The following COLEC12 variants were observed in gnomAD, a reference collection of about 807,000 sequenced individuals.
The protein encoded by COLEC12 is collectin subfamily member 12.
COLEC12 carries 33 observed loss-of-function variants against 71.1 expected under a neutral mutation model. The ratio of observed to expected loss-of-function variants is 0.46; its 90% CI spans 0.35 to 0.62. The LOEUF is 0.62. Ranked by LOEUF, COLEC12 falls within the 20% of genes least tolerant of loss-of-function variation. The probability of loss-of-function intolerance (pLI) is 0.00; values close to 1 mark genes in which losing one functional copy is unlikely to be tolerated. For synonymous variants in COLEC12, 350 were observed against 353.0 expected (o/e 0.99, Z 0.10); for missense variants, 765 against 916.1 (o/e 0.84, Z 2.13).
chr18:444,449 T>A (rs912285960), intron 2 of COLEC12, among the ~76,000 whole-genome samples: 2 of 152,178 alleles, frequency 1.3e-5, no homozygotes, highest in Non-Finnish European at 2.9e-5. Context: ...AAAAATTCTA[T>A]ACCATCAGTA....
At chr18:495,353 A>G (rs1197531086) in intron 1 of COLEC12, among the ~76,000 whole-genome samples, 5 of 152,186 alleles carry the variant, frequency 3.3e-5, no homozygotes, top group African/African-American at 9.7e-5. Flanking sequence ...ATTTTTACTG[A>G]TCACTCACCG....
At chr18:376,920 T>C (rs1915126580) in intron 2 of COLEC12, among the ~76,000 whole-genome samples, 1 of 152,238 alleles carries the variant, frequency 6.6e-6, no homozygotes, top group Non-Finnish European at 1.5e-5. Flanking sequence ...TTTTACAAAA[T>C]GCATGCAGCA....
chr18:482,047 T>C (rs1399005952), intron 1 of COLEC12, among the ~76,000 whole-genome samples: 2 of 151,932 alleles, frequency 1.3e-5, no homozygotes, highest in African/African-American at 4.8e-5. Flanking sequence ...GACACGTAGT[T>C]TTTCAATTCC....
chr18:414,000 AG>A (rs1915941068), intron 2 of COLEC12, among the ~76,000 whole-genome samples: 1 of 152,224 alleles, frequency 6.6e-6, no homozygotes, highest in African/African-American at 2.4e-5. Flanking sequence ...ATGAAGAAGT[AG>A]GTGGAGGAAA....
At chr18:363,240 A>G (rs2143514676) in intron 2 of COLEC12, among the ~76,000 whole-genome samples, 1 of 152,318 alleles carries the variant, frequency 6.6e-6, no homozygotes, top group Non-Finnish European at 1.5e-5. Context: ...CAGAAAAAAA[A>G]AGAGTCTCCT....
At chr18:375,815 T>G (rs1207771661) in intron 2 of COLEC12, among the ~76,000 whole-genome samples, 2 of 152,202 alleles carry the variant, frequency 1.3e-5, no homozygotes, top group Admixed American at 6.5e-5. Context: ...TAGAAGATGG[T>G]TAGAACAGTA....
chr18:428,122 G>A (rs999081315), intron 2 of COLEC12, among the ~76,000 whole-genome samples: 2 of 152,024 alleles, frequency 1.3e-5, no homozygotes, highest in Non-Finnish European at 1.5e-5. Context: ...AAATTAGCCG[G>A]GCATGGTGGT....
rs186635325 is a variant in COLEC12 at position 365,048 on chromosome 18, G to A, written c.59-7526C>T. ...TGCCCAACGAGATAATCTAGAAAAC[G>A]GACCAGTTAGACATACCAGTAGAAG... On this transcript the variant is annotated intron_variant, in intron 2 of 9. Transcript: ENST00000400256. Among the ~76,000 whole-genome samples the A allele has an allele frequency of 2.9e-3, 445 of 152,020 alleles. 4 individuals are homozygous for A. The highest frequency in any genetic ancestry group is 0.01 in the African/African-American group (423 of 41,452).
intron 1 of COLEC12, among the ~76,000 whole-genome samples, chr18:485,681 A>G (rs1207370916): frequency 1.3e-5 from 2 of 152,334 alleles, no homozygotes; most frequent in East Asian, 3.9e-4. Context: ...TATTCTTTGC[A>G]CCTTGCTATT....
intron 3 of COLEC12, among the ~76,000 whole-genome samples, chr18:349,899 T>C (rs544432221): frequency 3.3e-4 from 50 of 152,358 alleles, no homozygotes; most frequent in African/African-American, 1.2e-3. Flanking sequence ...GTAACCCTCA[T>C]TGTATCTAGG....
At chr18:475,508 G>C (rs1598377096) in intron 2 of COLEC12, among the ~76,000 whole-genome samples, 2 of 152,264 alleles carry the variant, frequency 1.3e-5, no homozygotes, top group South Asian at 2.1e-4. Flanking sequence ...CAGCAGAGGG[G>C]AGACAGGCAG....
intron 2 of COLEC12, among the ~76,000 whole-genome samples, chr18:405,969 G>C (rs1370982497): frequency 1.3e-5 from 2 of 152,080 alleles, no homozygotes; most frequent in Non-Finnish European, 2.9e-5. Context: ...TAAGAGGTCA[G>C]CACAAGATAT....
At chr18:478,066 A>T (rs571314679) in intron 2 of COLEC12, among the ~76,000 whole-genome samples, 1 of 152,326 alleles carries the variant, frequency 6.6e-6, no homozygotes, top group Non-Finnish European at 1.5e-5. Flanking sequence ...AACCATGATG[A>T]GGCCTCCCCA....
intron 2 of COLEC12, among the ~76,000 whole-genome samples, chr18:404,588 G>C (rs1915750087): frequency 6.6e-6 from 1 of 152,220 alleles, no homozygotes; most frequent in Non-Finnish European, 1.5e-5. Context: ...AGCCGTGGCA[G>C]AGGAACATAA....
chr18:369,397 AT>A (rs1167052555), intron 2 of COLEC12, among the ~76,000 whole-genome samples: 15 of 99,322 alleles, frequency 1.5e-4, no homozygotes, highest in South Asian at 1.4e-3. Flanking sequence ...TTTTTTTTTT[AT>A]TTTTTTTTAT....
Position 331,662 on chromosome 18 carries a change from A to G in COLEC12, c.2063+6T>C. On this transcript the variant is annotated splice_donor_region_variant and intron_variant, in intron 8 of 9. Transcript: ENST00000400256. ...ACCACCAATCTGGAAGCTTCTGAGT[A>G]CTTACTTGTAGTCTGGAGATGTCCC... is the stretch of plus-strand genomic sequence containing the variant. The G allele has an allele frequency of 6.4e-7, 1 of 1,569,308 alleles. No homozygotes were observed. Among genetic ancestry groups the G allele is most frequent in the South Asian group, 1.1e-5 (1 of 90,200 alleles).
At chr18:359,293 C>T (rs1032176758) in intron 2 of COLEC12, among the ~76,000 whole-genome samples, 13 of 152,148 alleles carry the variant, frequency 8.5e-5, no homozygotes, top group Non-Finnish European at 1.8e-4. Context: ...ATTAGGATGG[C>T]CCCCATTCCC....
intron 2 of COLEC12, among the ~76,000 whole-genome samples, chr18:407,889 G>A (rs538090127): frequency 5.1e-4 from 78 of 152,330 alleles, no homozygotes; most frequent in Non-Finnish European, 4.4e-4. Flanking sequence ...GCCCGCCCTA[G>A]GCCAATGATC....
chr18:344,157 T>C (rs1914321217), intron 5 of COLEC12, among the ~76,000 whole-genome samples: 1 of 152,214 alleles, frequency 6.6e-6, no homozygotes, highest in Admixed American at 6.5e-5. Context: ...GCTACCCCTT[T>C]TTCAGAGTAA....
Sources: allele counts gnomAD v4.1 joint callset (sites outside exome capture counted in the v4.1 genomes callset), GRCh38; gene constraint gnomAD v4.1.1; transcripts MANE v1.5; gene names NCBI Gene and HGNC (gene_info 2026-07-23, HGNC 2026-07-21).